EYS: variants seen among roughly 807,000 people sequenced by gnomAD.
The protein encoded by EYS is EGF-like photoreceptor maintenance factor, also known as protein eyes shut homolog.
A neutral mutation model predicts 282.1 loss-of-function variants in EYS; 250 were observed. The observed-to-expected ratio is 0.89, with a 90% CI of 0.80 to 0.98. The LOEUF is 0.98. EYS is among the 50% of genes least tolerant of loss of function. EYS has a pLI of 0.00. For synonymous variants in EYS, 1,355 were observed against 1,282.9 expected (o/e 1.06, Z -1.20); for missense variants, 4,016 against 3,709.0 (o/e 1.08, Z -2.15).
intron 16 of EYS, among the ~76,000 whole-genome samples, chr6:64,906,992 C>T (rs1367422085): frequency 6.6e-6 from 1 of 152,104 alleles, no homozygotes; most frequent in Non-Finnish European, 1.5e-5. Context: ...CATTCTCATG[C>T]ATTTTATTTG....
chr6:64,100,010 AC>A (rs1376436904), intron 31 of EYS, among the ~76,000 whole-genome samples: 1 of 152,152 alleles, frequency 6.6e-6, no homozygotes, highest in Non-Finnish European at 1.5e-5. Flanking sequence ...AAGATGCTAA[AC>A]CGTCTCAGTT....
At chr6:64,137,149 C>T (rs1774188315) in intron 31 of EYS, among the ~76,000 whole-genome samples, 1 of 152,100 alleles carries the variant, frequency 6.6e-6, no homozygotes, top group African/African-American at 2.4e-5. Context: ...ACCTCATGAA[C>T]CAACCTCTGC....
At chr6:65,192,291 C>CTGTGTGTGTGTGTG in intron 12 of EYS, among the ~76,000 whole-genome samples, 1 of 45,644 alleles carries the variant, frequency 2.2e-5, no homozygotes, top group East Asian at 4.7e-4. Context: ...GCTTTTTCTA[C>CTGTGTGTGTGTGTG]TCTGTGTGTG....
intron 2 of EYS, among the ~76,000 whole-genome samples, chr6:65,507,538 C>T (rs1400850577): frequency 6.6e-6 from 1 of 151,840 alleles, no homozygotes; most frequent in Admixed American, 6.6e-5. Context: ...TGTTCTCTTT[C>T]TTCTCCTTCT....
At chr6:64,147,092 A>G (rs561342540) in intron 31 of EYS, among the ~76,000 whole-genome samples, 2 of 152,204 alleles carry the variant, frequency 1.3e-5, no homozygotes, top group South Asian at 4.2e-4. Context: ...TCTACACTTG[A>G]CCCTGTTCAG....
At chr6:64,597,245 G>A (rs1050312000) in intron 24 of EYS, among the ~76,000 whole-genome samples, 2 of 152,154 alleles carry the variant, frequency 1.3e-5, no homozygotes, top group African/African-American at 2.4e-5. Context: ...AGAGAAAAGG[G>A]AACCCTTATA....
chr6:64,483,430 T>G (rs186723758), intron 26 of EYS, among the ~76,000 whole-genome samples: 12 of 151,824 alleles, frequency 7.9e-5, no homozygotes, highest in Admixed American at 7.2e-4. Flanking sequence ...AGTGGCTTCT[T>G]TCATGTGAAA....
chr6:65,384,895 T>C (rs1043255035), intron 7 of EYS, among the ~76,000 whole-genome samples: 29 of 152,018 alleles, frequency 1.9e-4, no homozygotes, highest in South Asian at 2.1e-4. Flanking sequence ...GATGACTACA[T>C]GAATTTGAGA....
intron 32 of EYS, among the ~76,000 whole-genome samples, chr6:64,070,094 G>C (rs1431443694): frequency 6.6e-6 from 1 of 151,968 alleles, no homozygotes; most frequent in Non-Finnish European, 1.5e-5. Flanking sequence ...GGGAAGAGGA[G>C]GAACATTTTC....
chr6:63,811,367 C>A (rs887831203), intron 36 of EYS, among the ~76,000 whole-genome samples: 3 of 152,136 alleles, frequency 2.0e-5, no homozygotes, highest in African/African-American at 7.2e-5. Context: ...AATGTCAATT[C>A]TCTGTTTTTA....
chr6:64,451,446 A>C (rs1354932862), intron 26 of EYS, among the ~76,000 whole-genome samples: 1 of 152,194 alleles, frequency 6.6e-6, no homozygotes, highest in Non-Finnish European at 1.5e-5. Context: ...AGGAGCTGGT[A>C]CCATTCCTTC....
intron 31 of EYS, among the ~76,000 whole-genome samples, chr6:64,166,080 G>T (rs1464992564): frequency 6.6e-6 from 1 of 152,078 alleles, no homozygotes; most frequent in Non-Finnish European, 1.5e-5. Context: ...TCTTAATGTT[G>T]GAAGGCAAAT....
chr6:63,908,504 G>C (rs1773839195), intron 35 of EYS, among the ~76,000 whole-genome samples: 1 of 152,030 alleles, frequency 6.6e-6, no homozygotes, highest in Non-Finnish European at 1.5e-5. Context: ...AGGCTGGAGT[G>C]CAGTGGTGCG....
chr6:64,252,140 A>G (rs1767238048), intron 30 of EYS, among the ~76,000 whole-genome samples: 2 of 151,972 alleles, frequency 1.3e-5, no homozygotes, highest in African/African-American at 2.4e-5. Context: ...AAAAGTCCCA[A>G]TTTCTCTTTA....
rs1410369629 is a variant in EYS at position 65,231,159 on chromosome 6, T to TTATATATATACTTC, written c.2023+64703_2023+64704insGAAGTATATATATA. ...TATATATACTTTTATATATATACTT[T>TTATATATATACTTC]TATATATATATTTTATATATATATA... On this transcript the variant is annotated intron_variant, in intron 12 of 42. Transcript: ENST00000503581. Among the ~76,000 whole-genome samples, 804 of 145,636 alleles carry TTATATATATACTTC rather than the reference T, an allele frequency of 5.5e-3. 10 individuals carry two copies. The highest frequency in any genetic ancestry group is 0.019 in the African/African-American group (765 of 40,266).
rs1237684918 is a variant in EYS, at chr6:64,374,140, G to T, written c.6078+14550C>A. Reference sequence around the variant, plus strand: ...AGTTCAGGGTGAAGGGAGACCACTGGGCTGAAAGCTGGTGCCAAATTCCCT... The same window carrying T: ...AGTTCAGGGTGAAGGGAGACCACTGTGCTGAAAGCTGGTGCCAAATTCCCT... On this transcript the variant is annotated intron_variant, in intron 29 of 42. Coordinates refer to ENST00000503581, the MANE Select transcript of EYS (RefSeq NM_001142800.2). 2.7e-5 allele frequency among the ~76,000 whole-genome samples: 4 copies of T among 149,560 alleles called. No homozygotes were observed. The East Asian group carries it at 8.1e-4, about 30-fold the overall frequency.
chr6:64,487,835 A>G lies in EYS; in HGVS notation c.5645-48483T>C, dbSNP rs369772534. On this transcript the variant is annotated intron_variant, in intron 26 of 42. Transcript: ENST00000503581. ...AGTATTTACTATGTGTTAGTGCTAG[A>G]AGTCAAAACCAATAGAAATATAAAA... is the stretch of plus-strand genomic sequence containing the variant. Among the ~76,000 whole-genome samples the G allele has an allele frequency of 1.1e-4, 16 of 151,216 alleles. No individual in the cohort carries two copies. The East Asian group carries it at 1.6e-3, about 15-fold the overall frequency.
Position 65,079,330 on chromosome 6 carries a change from CTTTAA to C in EYS, c.2024-21608_2024-21604del, listed in dbSNP as rs1177861645. Among the ~76,000 whole-genome samples the C allele has an allele frequency of 4.0e-5, 6 of 151,776 alleles. No homozygotes were observed. The East Asian group carries it at 5.8e-4, about 15-fold the overall frequency. ...GAACTGAATTTTTAATTTAAATTAA[CTTTAA>C]TTTAAATTTAAAAACTAATTCATTT... On this transcript the variant is annotated intron_variant, in intron 12 of 42. Coordinates refer to ENST00000503581, the MANE Select transcript of EYS (RefSeq NM_001142800.2).
intron 31 of EYS, among the ~76,000 whole-genome samples, chr6:64,107,861 C>T (rs1040771212): frequency 3.9e-5 from 6 of 151,938 alleles, no homozygotes; most frequent in South Asian, 2.1e-4. Flanking sequence ...TTTGGATAGC[C>T]GGTGTCCTCA....
Sources: allele counts gnomAD v4.1 joint callset (sites outside exome capture counted in the v4.1 genomes callset), GRCh38; gene constraint gnomAD v4.1.1; transcripts MANE v1.5; gene names NCBI Gene and HGNC (gene_info 2026-07-23, HGNC 2026-07-21).